Variants in CSNK2A2IP observed in about 807,000 individuals in gnomAD.
The protein encoded by CSNK2A2IP is casein kinase 2 subunit alpha' interacting protein.
chr3:88,381,644 C>T, the CSNK2A2IP span, among the ~76,000 whole-genome samples: 2 of 152,106 alleles, frequency 1.3e-5, no homozygotes, highest in Non-Finnish European at 2.9e-5. Context: ...AGCATGGAGA[C>T]CCACTGTGTC....
At chr3:88,378,146 G>A in the CSNK2A2IP span, among the ~76,000 whole-genome samples, 1 of 152,002 alleles carries the variant, frequency 6.6e-6, no homozygotes, top group East Asian at 1.9e-4. Context: ...ATTTATTAAT[G>A]ATGCAATTTT....
chr3:88,358,468 C>T, the CSNK2A2IP span, among the ~76,000 whole-genome samples: 3 of 152,110 alleles, frequency 2.0e-5, no homozygotes, highest in East Asian at 1.9e-4. Context: ...ATGGATTTGT[C>T]ATACACGGCC....
chr3:88,409,699 GTTA>G, the CSNK2A2IP span, among the ~76,000 whole-genome samples: 5 of 152,106 alleles, frequency 3.3e-5, no homozygotes, highest in East Asian at 7.7e-4. Context: ...TAAGAAGCAA[GTTA>G]TTTAGTCACA....
the CSNK2A2IP span, among the ~76,000 whole-genome samples, chr3:88,388,269 C>T: frequency 1.3e-5 from 2 of 152,148 alleles, no homozygotes; most frequent in East Asian, 1.9e-4. Flanking sequence ...AAACAGTGGT[C>T]TGTTTAATAC....
the CSNK2A2IP span, among the ~76,000 whole-genome samples, chr3:88,372,086 A>G: frequency 6.6e-6 from 1 of 151,678 alleles, no homozygotes; most frequent in Non-Finnish European, 1.5e-5. Context: ...AGGGCCAGAT[A>G]TTATACATTA....
the CSNK2A2IP span, among the ~76,000 whole-genome samples, chr3:88,445,883 TTCTTTCTTTC>T: frequency 1.3e-4 from 20 of 151,852 alleles, no homozygotes; most frequent in African/African-American, 4.9e-4. Flanking sequence ...AATGGTTTCT[TTCTTTCTTTC>T]TCTTTCTTTC....
chr3:88,420,272 C>A, the CSNK2A2IP span, among the ~76,000 whole-genome samples: 1 of 152,104 alleles, frequency 6.6e-6, no homozygotes, highest in Non-Finnish European at 1.5e-5. Flanking sequence ...TCTGTCAGTT[C>A]CAAGAAAAAT....
chr3:88,441,772 T>G, the CSNK2A2IP span, among the ~76,000 whole-genome samples: 1 of 152,154 alleles, frequency 6.6e-6, no homozygotes, highest in Non-Finnish European at 1.5e-5. Context: ...ACTGATTGTT[T>G]ATACATGCAC....
the CSNK2A2IP span, among the ~76,000 whole-genome samples, chr3:88,385,203 A>T: frequency 2.0e-5 from 3 of 152,204 alleles, no homozygotes; most frequent in Admixed American, 2.0e-4. Context: ...CAGGCCGAAT[A>T]GTTAGCAAAG....
the CSNK2A2IP span, among the ~76,000 whole-genome samples, chr3:88,446,022 TTTGTTTCTTTTCTTTC>T: frequency 8.2e-5 from 8 of 97,858 alleles, 1 homozygote; most frequent in Non-Finnish European, 1.3e-4. Context: ...CTTTTCTTTC[TTTGTTTCTTTTCTTTC>T]TTTCTTTCTT....
chr3:88,465,370 G>A, the CSNK2A2IP span: 3 of 1,231,550 alleles, frequency 2.4e-6, no homozygotes, highest in Non-Finnish European at 2.0e-6. Flanking sequence ...GGTGCCACTA[G>A]CATATTATGG....
At chr3:88,382,989 G>T in the CSNK2A2IP span, among the ~76,000 whole-genome samples, 3 of 152,056 alleles carry the variant, frequency 2.0e-5, no homozygotes, top group Non-Finnish European at 4.4e-5. Context: ...ATTTCCTACT[G>T]GTTAACTCTG....
chr3:88,427,331 G>A, the CSNK2A2IP span, among the ~76,000 whole-genome samples: 1 of 152,188 alleles, frequency 6.6e-6, no homozygotes, highest in African/African-American at 2.4e-5. Flanking sequence ...AGGAAGCAGA[G>A]TAAAAAGTTT....
the CSNK2A2IP span, among the ~76,000 whole-genome samples, chr3:88,357,221 C>T: frequency 1.3e-5 from 2 of 152,018 alleles, no homozygotes; most frequent in Admixed American, 1.3e-4. Context: ...ATGTTTTCTT[C>T]TAGGATTTCA....
chr3:88,344,598 T>C, the CSNK2A2IP span, among the ~76,000 whole-genome samples: 2 of 151,962 alleles, frequency 1.3e-5, no homozygotes, highest in Admixed American at 1.3e-4. Flanking sequence ...TATGCAACTT[T>C]TAAAAAGTCT....
the CSNK2A2IP span, among the ~76,000 whole-genome samples, chr3:88,444,872 C>T: frequency 6.6e-6 from 1 of 152,132 alleles, no homozygotes; most frequent in Non-Finnish European, 1.5e-5. Context: ...CTATAAGGTT[C>T]TTCCCTTTGT....
chr3:88,344,553 A>G, the CSNK2A2IP span, among the ~76,000 whole-genome samples: 1 of 152,052 alleles, frequency 6.6e-6, no homozygotes, highest in African/African-American at 2.4e-5. Flanking sequence ...GAAATTGGAT[A>G]ACTATATGGA....
chr3:88,356,204 G>A, the CSNK2A2IP span, among the ~76,000 whole-genome samples: 2 of 151,936 alleles, frequency 1.3e-5, no homozygotes, highest in East Asian at 1.9e-4. Flanking sequence ...CTATCTAACT[G>A]TATTTTTGTA....
At chr3:88,454,092 C>G in the CSNK2A2IP span, among the ~76,000 whole-genome samples, 2 of 151,964 alleles carry the variant, frequency 1.3e-5, no homozygotes, top group South Asian at 4.1e-4. Flanking sequence ...CTTTGTAACA[C>G]TTAGTTTGGT....
Sources: gnomAD v4.1 joint callset for allele counts (sites outside exome capture counted in the v4.1 genomes callset) on GRCh38, gnomAD v4.1.1 for gene constraint, MANE v1.5 for transcripts, NCBI Gene and HGNC (gene_info 2026-07-23, HGNC 2026-07-21) for gene names.